The following HACD3 variants were observed in gnomAD, a reference collection of about 807,000 sequenced individuals.
The protein encoded by HACD3 is very-long-chain (3R)-3-hydroxyacyl-CoA dehydratase 3.
Under a neutral mutation model 55.2 loss-of-function variants are expected in HACD3, and 30 were observed. The ratio of observed to expected loss-of-function variants is 0.54; its 90% confidence interval spans 0.41 to 0.74. HACD3 has a LOEUF of 0.74. HACD3 is among the 30% of genes least tolerant of loss of function. The pLI, the probability that HACD3 is intolerant of heterozygous loss-of-function variation, is 0.00. For synonymous variants in HACD3, 141 were observed against 151.7 expected (o/e 0.93, Z 0.52); for missense variants, 363 against 440.1 (o/e 0.82, Z 1.57).
At chr15:65,530,844 C>CG in intron 1 of HACD3, 126 bp downstream of exon 1, 1 of 924,580 alleles carries the variant, frequency 1.1e-6, no homozygotes, top group Non-Finnish European at 1.6e-6. Flanking sequence ...GTCGGCGACG[C>CG]GGTGCGCTTA....
chr15:65,558,424 T>G (rs745770018), intron 4 of HACD3, among the ~76,000 whole-genome samples: 14 of 152,214 alleles, frequency 9.2e-5, no homozygotes, highest in Non-Finnish European at 1.5e-4. Context: ...GATTCCAAGG[T>G]CACTTGTCAG....
chr15:65,543,276 T>C (rs1208507937), intron 1 of HACD3, among the ~76,000 whole-genome samples: 1 of 152,148 alleles, frequency 6.6e-6, no homozygotes, highest in Non-Finnish European at 1.5e-5. Context: ...GAATATATTC[T>C]AAGGACAAAA....
intron 1 of HACD3, among the ~76,000 whole-genome samples, chr15:65,537,951 AAAAAAAAATATATAT>A (rs2071976033): frequency 2.6e-4 from 5 of 19,582 alleles, no homozygotes; most frequent in African/African-American, 7.9e-4. Flanking sequence ...AAAAAAAAAA[AAAAAAAAATATATAT>A]ATATATATAT....
chr15:65,547,469 G>T (rs1370586034), intron 1 of HACD3, among the ~76,000 whole-genome samples: 1 of 152,114 alleles, frequency 6.6e-6, no homozygotes, highest in Admixed American at 6.5e-5. Context: ...TGCCTAACAT[G>T]TACCAAAATT....
intron 1 of HACD3, among the ~76,000 whole-genome samples, chr15:65,550,661 T>C (rs1164876340): frequency 6.6e-6 from 1 of 152,216 alleles, no homozygotes; most frequent in Non-Finnish European, 1.5e-5. Context: ...AAAGCAACAA[T>C]AGTCGTTTAT....
At chr15:65,544,557 T>A (rs1286517531) in intron 1 of HACD3, among the ~76,000 whole-genome samples, 1 of 152,164 alleles carries the variant, frequency 6.6e-6, no homozygotes, top group African/African-American at 2.4e-5. Context: ...TTTTTAAAAA[T>A]TTTTATTTTT....
At chr15:65,544,033 C>T (rs192291619) in intron 1 of HACD3, among the ~76,000 whole-genome samples, 16 of 152,048 alleles carry the variant, frequency 1.1e-4, no homozygotes, top group East Asian at 7.7e-4. Context: ...AAAAATTACC[C>T]GGGCCTGGTG....
intron 3 of HACD3, among the ~76,000 whole-genome samples, chr15:65,555,743 A>G (rs915059429): frequency 1.3e-5 from 2 of 152,194 alleles, no homozygotes; most frequent in South Asian, 2.1e-4. Flanking sequence ...AGACTCCCCA[A>G]ATTGACCCCT....
chr15:65,537,703 G>T (rs1206442169), intron 1 of HACD3, among the ~76,000 whole-genome samples: 2 of 141,360 alleles, frequency 1.4e-5, no homozygotes, highest in Non-Finnish European at 3.0e-5. Flanking sequence ...TGAGGCAGGA[G>T]AATCGCTTGG....
intron 1 of HACD3, among the ~76,000 whole-genome samples, chr15:65,545,040 A>T (rs1392261433): frequency 1.3e-5 from 2 of 152,098 alleles, no homozygotes; most frequent in Non-Finnish European, 2.9e-5. Context: ...AAAAGAAAGA[A>T]AGAAAATTAT....
intron 1 of HACD3, 58 bp downstream of exon 1, chr15:65,530,776 A>G (rs2071889126): frequency 1.9e-5 from 28 of 1,464,278 alleles, no homozygotes; most frequent in Non-Finnish European, 2.1e-5. Flanking sequence ...GGTACCCGCC[A>G]GGACCCCTGC....
chr15:65,547,199 C>T (rs2072086250), intron 1 of HACD3, among the ~76,000 whole-genome samples: 1 of 152,106 alleles, frequency 6.6e-6, no homozygotes, highest in African/African-American at 2.4e-5. Context: ...TCACTGCAAC[C>T]TCCGCCTCCT....
intron 1 of HACD3, chr15:65,531,497 A>G (rs2071898881): frequency 6.6e-6 from 1 of 152,216 alleles, no homozygotes; most frequent in African/African-American, 2.4e-5. Flanking sequence ...TGTCCAAACT[A>G]AAGATTCTGG....
intron 1 of HACD3, among the ~76,000 whole-genome samples, chr15:65,541,516 T>G (rs1273454719): frequency 6.6e-6 from 1 of 152,112 alleles, no homozygotes; most frequent in Non-Finnish European, 1.5e-5. Context: ...AAAAAAGACC[T>G]TGTTATATAG....
At chr15:65,536,703 C>T (rs1001731676) in intron 1 of HACD3, among the ~76,000 whole-genome samples, 5 of 152,134 alleles carry the variant, frequency 3.3e-5, no homozygotes, top group African/African-American at 1.2e-4. Context: ...GTTGGGTGAG[C>T]TGAGATCACG....
Position 65,530,534 on chromosome 15 carries a change from A to C in HACD3, c.-98A>C. On this transcript the variant is annotated 5_prime_UTR_variant, in exon 1 of 11. Coordinates refer to ENST00000261875, the MANE Select transcript of HACD3 (RefSeq NM_016395.4). ...CGGGTTGCAGGCGCTCAGGAGCGCTAGGGTTTGAGGCCTGCTTTCTGCTCG... is the reference window on the plus strand; with the variant it reads ...CGGGTTGCAGGCGCTCAGGAGCGCTCGGGTTTGAGGCCTGCTTTCTGCTCG... 1 of 1,100,810 alleles carries C rather than the reference A, an allele frequency of 9.1e-7. No individual in the cohort carries two copies. The highest frequency in any genetic ancestry group is 1.3e-6 in the Non-Finnish European group (1 of 778,812). 68.2% of individuals were successfully genotyped at this position (1,100,810 alleles called of 1,614,324 possible).
intron 6 of HACD3, among the ~76,000 whole-genome samples, chr15:65,563,508 A>T (rs1200451325): frequency 6.6e-6 from 1 of 152,176 alleles, no homozygotes; most frequent in Non-Finnish European, 1.5e-5. Flanking sequence ...TTTCTACCTG[A>T]TAATGAAAGT....
At position 65,530,559 on chromosome 15, in the gene HACD3, G is replaced by C. The variant is rs563538139; in HGVS notation, c.-73G>C. The C allele has an allele frequency of 1.7e-4, 228 of 1,374,512 alleles. 3 individuals carry two copies. The South Asian group carries it at 2.8e-3, about 17-fold the overall frequency. 85.1% of individuals were successfully genotyped at this position (1,374,512 alleles called of 1,614,324 possible). A position where few individuals can be genotyped will look rare whatever the true frequency, so the allele number is the denominator to read the frequency against. Reference sequence around the variant, plus strand: ...AGGGTTTGAGGCCTGCTTTCTGCTCGCGCCAGCAGAGCACTACCTGAGGCA... The same window carrying C: ...AGGGTTTGAGGCCTGCTTTCTGCTCCCGCCAGCAGAGCACTACCTGAGGCA... On this transcript the variant is annotated 5_prime_UTR_variant, in exon 1 of 11. Transcript: ENST00000261875.
intron 1 of HACD3, among the ~76,000 whole-genome samples, chr15:65,534,983 A>G (rs1378983622): frequency 3.3e-5 from 5 of 152,236 alleles, no homozygotes; most frequent in Non-Finnish European, 7.3e-5. Flanking sequence ...AAGTTAAGGT[A>G]TGACAAGAGG....
Sources: allele counts gnomAD v4.1 joint callset (sites outside exome capture counted in the v4.1 genomes callset), GRCh38; gene constraint gnomAD v4.1.1; transcripts MANE v1.5; gene names NCBI Gene and HGNC (gene_info 2026-07-23, HGNC 2026-07-21).